The following TTLL5 variants were observed in gnomAD, a reference collection of about 807,000 sequenced individuals.
TTLL5 encodes the protein tubulin tyrosine ligase like 5.
Under a neutral mutation model 168.4 loss-of-function variants are expected in TTLL5, and 132 were observed. The observed-to-expected ratio is 0.78, with a 90% CI of 0.68 to 0.91. The LOEUF is 0.91. Among genes scored for constraint, TTLL5 ranks in the 40% least tolerant of loss-of-function variants. The pLI, the probability that TTLL5 is intolerant of heterozygous loss-of-function variation, is 0.00. For missense variants in TTLL5, 1,545 were observed against 1,581.5 expected, an observed-to-expected ratio of 0.98 and a Z score of 0.39; for synonymous variants, 546 against 558.6, an observed-to-expected ratio of 0.98 and a Z score of 0.32.
At chr14:75,928,905 GT>G (rs1394057390) in intron 31 of TTLL5, among the ~76,000 whole-genome samples, 3 of 152,130 alleles carry the variant, frequency 2.0e-5, no homozygotes, top group Non-Finnish European at 4.4e-5. Context: ...GAAGTATTTA[GT>G]TTCACATCTG....
At chr14:75,781,957 CAAAAAAAAAAAA>C (rs11350842) in intron 24 of TTLL5, among the ~76,000 whole-genome samples, 15 of 69,472 alleles carry the variant, frequency 2.2e-4, no homozygotes, top group Non-Finnish European at 3.8e-4. Context: ...AAACTTTGTT[CAAAAAAAAAAAA>C]AAAAAAAAAA....
At chr14:75,705,972 C>G (rs1379829910) in intron 7 of TTLL5, among the ~76,000 whole-genome samples, 1 of 152,118 alleles carries the variant, frequency 6.6e-6, no homozygotes, top group Admixed American at 6.5e-5. Flanking sequence ...GTTCAAATCC[C>G]TTTGTCAGTA....
intron 31 of TTLL5, among the ~76,000 whole-genome samples, chr14:75,904,715 C>T (rs2033074203): frequency 6.6e-6 from 1 of 152,170 alleles, no homozygotes; most frequent in Admixed American, 6.5e-5. Flanking sequence ...TGGTAACAAG[C>T]AGATCATTCT....
At chr14:75,770,030 T>C (rs563298593) in intron 20 of TTLL5, among the ~76,000 whole-genome samples, 44 of 151,696 alleles carry the variant, frequency 2.9e-4, no homozygotes, top group African/African-American at 1.0e-3. Context: ...ATACAAAAAT[T>C]AGCTGGGCAT....
At chr14:75,889,812 A>G (rs1386556261) in intron 30 of TTLL5, among the ~76,000 whole-genome samples, 3 of 132,586 alleles carry the variant, frequency 2.3e-5, no homozygotes, top group Non-Finnish European at 4.8e-5. Context: ...CCTGGGCAAC[A>G]GAGCGAGACT....
chr14:75,765,326 C>T (rs1418410253), intron 19 of TTLL5, among the ~76,000 whole-genome samples: 1 of 152,084 alleles, frequency 6.6e-6, no homozygotes, highest in African/African-American at 2.4e-5. Flanking sequence ...TCTCTGTCCT[C>T]ATAGAACTTA....
chr14:75,946,388 A>G (rs564315660), intron 31 of TTLL5, among the ~76,000 whole-genome samples: 1 of 152,238 alleles, frequency 6.6e-6, no homozygotes, highest in Non-Finnish European at 1.5e-5. Context: ...AAAACTTCCA[A>G]AGTAGCAGAG....
chr14:75,784,581 T>A (rs1405589649), intron 26 of TTLL5, among the ~76,000 whole-genome samples: 1 of 152,236 alleles, frequency 6.6e-6, no homozygotes, highest in Non-Finnish European at 1.5e-5. Flanking sequence ...GACATATGTT[T>A]TTATTTCTCT....
intron 5 of TTLL5, chr14:75,685,002 T>C (rs1884928649): frequency 6.6e-6 from 1 of 152,204 alleles, no homozygotes; most frequent in South Asian, 2.1e-4. Flanking sequence ...AGTGAAAATT[T>C]TACTGACAGA....
At chr14:75,686,223 C>T (rs907353956) in intron 5 of TTLL5, among the ~76,000 whole-genome samples, 3 of 152,156 alleles carry the variant, frequency 2.0e-5, no homozygotes, top group Admixed American at 6.5e-5. Context: ...TCGAGGCTAA[C>T]CAAGGTGCCT....
At chr14:75,914,031 A>ATATATATATAT (rs1375194323) in intron 31 of TTLL5, among the ~76,000 whole-genome samples, 1 of 77,296 alleles carries the variant, frequency 1.3e-5, no homozygotes, top group African/African-American at 1.7e-4. Flanking sequence ...AAAAAAAAAA[A>ATATATATATAT]AAATATATAT....
chr14:75,732,292 T>A lies in TTLL5; in HGVS notation c.1043-46T>A, dbSNP rs760361635. 3 of 1,561,632 alleles carry A rather than the reference T, an allele frequency of 1.9e-6. No homozygotes were observed. In the African/African-American group the frequency reaches 4.1e-5, roughly 21 times the overall value. On this transcript the variant is annotated intron_variant, in intron 12 of 31. Transcript: ENST00000298832. ...AGTCTTCTAGATCTTTGTGTAGTTGTGACATGGAAAATGATCTTGTGTATT... is the reference window on the plus strand; with the variant it reads ...AGTCTTCTAGATCTTTGTGTAGTTGAGACATGGAAAATGATCTTGTGTATT...
intron 30 of TTLL5, among the ~76,000 whole-genome samples, chr14:75,885,042 A>G (rs994441487): frequency 2.0e-5 from 3 of 151,342 alleles, no homozygotes; most frequent in African/African-American, 7.3e-5. Context: ...GCATGCTGGC[A>G]GGCACCCGAG....
chr14:75,954,252 CAAAAAAAAA>C (rs56396876), intron 31 of TTLL5, among the ~76,000 whole-genome samples, 163 bp from the exon 32 acceptor site: 2 of 74,520 alleles, frequency 2.7e-5, no homozygotes, highest in African/African-American at 1.1e-4. Context: ...GACTCCATCT[CAAAAAAAAA>C]AAAAAAAAAA....
In TTLL5 at chr14:75,783,427, A is replaced by G; in HGVS notation, c.2883A>G (p.Pro961=). ...AQNIPSPTGL[P]RCRSGSHTIG... ...ACATCCCAAGCCCTACTGGCCTGCCACGCTGTCGATCAGGAAGTCACACCA... is the reference window on the plus strand; with the variant it reads ...ACATCCCAAGCCCTACTGGCCTGCCGCGCTGTCGATCAGGAAGTCACACCA... The change falls in exon 26 of 32, where the codon CCA becomes CCG. Residue 961 remains proline (P), a synonymous_variant. Transcript: ENST00000298832. 6.2e-7 allele frequency: 1 copy of G among 1,614,168 alleles called. No individual in the cohort carries two copies. The highest frequency in any genetic ancestry group is 8.5e-7 in the Non-Finnish European group (1 of 1,180,020).
At chr14:75,688,432 T>C (rs1885220851) in intron 5 of TTLL5, among the ~76,000 whole-genome samples, 1 of 152,222 alleles carries the variant, frequency 6.6e-6, no homozygotes, top group African/African-American at 2.4e-5. Context: ...GCCCTGTGCA[T>C]GTCTTCCTCT....
intron 21 of TTLL5, among the ~76,000 whole-genome samples, chr14:75,774,139 C>T (rs1350824479): frequency 6.6e-6 from 1 of 151,976 alleles, no homozygotes; most frequent in African/African-American, 2.4e-5. Flanking sequence ...GGCACATCAA[C>T]AGAACGTCCC....
chr14:75,938,431 G>A (rs1485645769), intron 31 of TTLL5, among the ~76,000 whole-genome samples: 3 of 152,292 alleles, frequency 2.0e-5, no homozygotes, highest in Non-Finnish European at 4.4e-5. Flanking sequence ...TCAGAAACTC[G>A]GAGTCCCAGG....
chr14:75,914,017 G>GGAAAAAAA (rs1221867156), intron 31 of TTLL5, among the ~76,000 whole-genome samples: 3 of 31,056 alleles, frequency 9.7e-5, no homozygotes, highest in Non-Finnish European at 1.5e-4. Flanking sequence ...TGTTTAAAAG[G>GGAAAAAAA]AAAAAAAAAA....
Sources: allele counts gnomAD v4.1 joint callset (sites outside exome capture counted in the v4.1 genomes callset), GRCh38; gene constraint gnomAD v4.1.1; transcripts MANE v1.5; gene names NCBI Gene and HGNC (gene_info 2026-07-23, HGNC 2026-07-21).